Variants in GADL1 observed in about 807,000 individuals in gnomAD.
GADL1 encodes the protein acidic amino acid decarboxylase GADL1.
GADL1 carries 71 observed loss-of-function variants against 69.5 expected under a neutral mutation model. The ratio of observed to expected loss-of-function variants is 1.02; its 90% CI spans 0.84 to 1.25. The LOEUF is 1.25. Among genes scored for constraint, GADL1 ranks in the 50% most tolerant of loss-of-function variants. The pLI is 0.00. For missense variants in GADL1, 737 were observed against 631.8 expected, an observed-to-expected ratio of 1.17 and a Z score of -1.79; for synonymous variants, 254 against 214.4, an observed-to-expected ratio of 1.18 and a Z score of -1.62.
At chr3:30,773,030 A>AG (rs1036434719) in intron 14 of GADL1, among the ~76,000 whole-genome samples, 4 of 152,178 alleles carry the variant, frequency 2.6e-5, no homozygotes, top group African/African-American at 9.7e-5. Context: ...GGGGAGAGAT[A>AG]GGGAGGAATG....
chr3:30,754,250 TTA>T (rs1367445632), intron 14 of GADL1, among the ~76,000 whole-genome samples: 2 of 152,128 alleles, frequency 1.3e-5, no homozygotes, highest in African/African-American at 2.4e-5. Flanking sequence ...GCCTACCATT[TTA>T]TTTTTTCAAG....
At chr3:30,821,487 ATGGGTTCG>A (rs200991386) in intron 11 of GADL1, among the ~76,000 whole-genome samples, 6,232 of 151,982 alleles carry the variant, frequency 0.041, 173 homozygotes, top group Non-Finnish European at 0.059. Flanking sequence ...AAACCATGTG[ATGGGTTCG>A]TGGAAGTTCA....
chr3:30,853,459 T>G (rs1698182065), intron 4 of GADL1, among the ~76,000 whole-genome samples: 1 of 152,194 alleles, frequency 6.6e-6, no homozygotes, highest in South Asian at 2.1e-4. Context: ...TTCTTAAGTT[T>G]ATACCTTTCA....
chr3:30,800,958 C>G lies in GADL1; in HGVS notation c.1181G>C (p.Trp394Ser). 3.1e-6 allele frequency: 5 copies of G among 1,613,826 alleles called. No homozygotes were observed. Among genetic ancestry groups the G allele is most frequent in the Non-Finnish European group, 3.4e-6 (4 of 1,179,946 alleles). Residue 394 changes from tryptophan to serine, a missense_variant, in exon 12 of 15, where the codon TGG becomes TCG. Physicochemically the swap from Trp to Ser is radical, Grantham distance 177. Transcript: ENST00000282538. The part of the protein sequence containing the change: ...CSRRPDAFKF[W>S]MTWKALGTLG... ...TGTACCCAGGGCCTTCCAGGTCATC[C>G]AGAACTTGAATGCATCTGGTCTTCT...
chr3:30,729,535 G>A (rs1695423443), intron 14 of GADL1, among the ~76,000 whole-genome samples: 1 of 152,102 alleles, frequency 6.6e-6, no homozygotes, highest in African/African-American at 2.4e-5. Context: ...AAACTCCTTA[G>A]GTGAGGGGCA....
chr3:30,802,958 A>G (rs903460201), intron 11 of GADL1, among the ~76,000 whole-genome samples: 6 of 152,286 alleles, frequency 3.9e-5, no homozygotes, highest in African/African-American at 1.2e-4. Context: ...TTAGTTGGGC[A>G]TGGTGGCATG....
intron 1 of GADL1, among the ~76,000 whole-genome samples, chr3:30,889,249 A>G (rs1698752315): frequency 6.6e-6 from 1 of 152,092 alleles, no homozygotes; most frequent in Non-Finnish European, 1.5e-5. Flanking sequence ...CCCTTTATAA[A>G]ACCACTGAGT....
At chr3:30,785,127 C>T (rs1053865374) in intron 13 of GADL1, among the ~76,000 whole-genome samples, 1 of 152,106 alleles carries the variant, frequency 6.6e-6, no homozygotes, top group East Asian at 1.9e-4. Flanking sequence ...CCCCCCAGTA[C>T]AGTACTATAT....
chr3:30,863,702 A>C (rs1698355418), intron 1 of GADL1, among the ~76,000 whole-genome samples: 1 of 136,712 alleles, frequency 7.3e-6, no homozygotes, highest in African/African-American at 2.6e-5. Flanking sequence ...AAATATTCCA[A>C]TGGTCTACAA....
At chr3:30,831,848 T>C (rs1294078384) in intron 11 of GADL1, among the ~76,000 whole-genome samples, 1 of 151,964 alleles carries the variant, frequency 6.6e-6, no homozygotes, top group Non-Finnish European at 1.5e-5. Flanking sequence ...GCCTGTTGAT[T>C]TTTACAATCA....
At chr3:30,791,159 A>G (rs1239720059) in intron 12 of GADL1, among the ~76,000 whole-genome samples, 1 of 152,182 alleles carries the variant, frequency 6.6e-6, no homozygotes, top group Non-Finnish European at 1.5e-5. Flanking sequence ...GTGGTTACTT[A>G]TATAGTTTTT....
intron 12 of GADL1, among the ~76,000 whole-genome samples, chr3:30,796,907 T>A (rs1697043584): frequency 6.6e-6 from 1 of 152,208 alleles, no homozygotes; most frequent in South Asian, 2.1e-4. Flanking sequence ...CTAAAAGTCT[T>A]CTGAAAATGC....
At chr3:30,871,601 C>G (rs779759417) in intron 1 of GADL1, among the ~76,000 whole-genome samples, 1 of 151,844 alleles carries the variant, frequency 6.6e-6, no homozygotes, top group Non-Finnish European at 1.5e-5. Flanking sequence ...CAGCACCTTT[C>G]TTGAAAAGCA....
At chr3:30,843,861 G>A (rs1698010110) in intron 8 of GADL1, among the ~76,000 whole-genome samples, 3 of 152,192 alleles carry the variant, frequency 2.0e-5, no homozygotes, top group South Asian at 4.1e-4. Flanking sequence ...GGAATTATAA[G>A]GAGAGGAGAG....
chr3:30,757,967 C>T (rs1242490636), intron 14 of GADL1, among the ~76,000 whole-genome samples: 3 of 152,142 alleles, frequency 2.0e-5, no homozygotes, highest in Non-Finnish European at 4.4e-5. Context: ...TGCTGAGTAC[C>T]ATGGTGTTTA....
intron 2 of GADL1, among the ~76,000 whole-genome samples, chr3:30,858,344 G>A (rs549031368): frequency 1.3e-5 from 2 of 152,158 alleles, no homozygotes; most frequent in Admixed American, 6.6e-5. Flanking sequence ...GGGAATGAAA[G>A]GATCATATTT....
chr3:30,766,721 G>C (rs146460532), intron 14 of GADL1, among the ~76,000 whole-genome samples: 2 of 152,256 alleles, frequency 1.3e-5, no homozygotes, highest in Non-Finnish European at 2.9e-5. Context: ...AGACAGGAGA[G>C]AGCAGGTGGC....
At chr3:30,785,824 ATATT>A (rs1162757725) in intron 13 of GADL1, among the ~76,000 whole-genome samples, 2 of 116,386 alleles carry the variant, frequency 1.7e-5, no homozygotes, top group Non-Finnish European at 3.0e-5. Context: ...TACACATTAA[ATATT>A]TATATTTTCT....
At chr3:30,794,223 G>A (rs1284266997) in intron 12 of GADL1, among the ~76,000 whole-genome samples, 2 of 152,180 alleles carry the variant, frequency 1.3e-5, no homozygotes, top group Non-Finnish European at 2.9e-5. Flanking sequence ...TGCAGAGATT[G>A]TGTGTCAAGG....
Sources: gnomAD v4.1 joint callset for allele counts (sites outside exome capture counted in the v4.1 genomes callset) on GRCh38, gnomAD v4.1.1 for gene constraint, MANE v1.5 for transcripts, NCBI Gene and HGNC (gene_info 2026-07-23, HGNC 2026-07-21) for gene names.